Variants in USH2A observed in about 807,000 individuals in gnomAD.
USH2A encodes the protein Usher syndrome 2A (autosomal recessive, mild).
A neutral mutation model predicts 538.9 loss-of-function variants in USH2A; 443 were observed. The ratio of observed to expected loss-of-function variants is 0.82; its 90% confidence interval spans 0.76 to 0.89. The LOEUF is 0.89. USH2A is among the 40% of genes least tolerant of loss of function. The pLI is 0.00. For missense variants in USH2A, 6,633 were observed against 6,324.8 expected, an observed-to-expected ratio of 1.05 and a Z score of -1.65; for synonymous variants, 2,413 against 2,273.5, an observed-to-expected ratio of 1.06 and a Z score of -1.75.
chr1:216,013,876 C>T (rs12143720), intron 32 of USH2A, among the ~76,000 whole-genome samples: 22,734 of 152,132 alleles, frequency 0.15, 1,783 homozygotes, highest in Middle Eastern at 0.23. Flanking sequence ...ATGAAAGTCA[C>T]TACAATAGAA....
In USH2A at chr1:216,386,464, C is replaced by T. The variant is rs185685771; in HGVS notation, c.652-21379G>A. 3.7e-3 allele frequency among the ~76,000 whole-genome samples: 545 copies of T among 147,966 alleles called. 4 individuals are homozygous for T. The highest frequency in any genetic ancestry group is 0.013 in the African/African-American group (511 of 40,074). On this transcript the variant is annotated intron_variant, in intron 3 of 71. Coordinates refer to ENST00000307340, the MANE Select transcript of USH2A (RefSeq NM_206933.4). The stretch of plus-strand genomic sequence containing the variant: ...TCCTGCCACTGCACTCCAGCCTGGG[C>T]GACAGAGCGAGACTCGTCTCAAAAA...
intron 13 of USH2A, among the ~76,000 whole-genome samples, chr1:216,235,964 G>C (rs942039628): frequency 1.3e-5 from 2 of 152,044 alleles, no homozygotes; most frequent in African/African-American, 4.8e-5. Flanking sequence ...TTTCAATATT[G>C]TTGTATTGTT....
At chr1:215,709,478 A>C (rs570105356) in intron 61 of USH2A, among the ~76,000 whole-genome samples, 1 of 151,606 alleles carries the variant, frequency 6.6e-6, no homozygotes, top group Non-Finnish European at 1.5e-5. Context: ...AAGAAGAAAA[A>C]CAGAGCAAAA....
intron 32 of USH2A, among the ~76,000 whole-genome samples, chr1:216,026,465 T>G (rs10449307): frequency 0.14 from 20,590 of 152,102 alleles, 1,476 homozygotes; most frequent in Middle Eastern, 0.21. Context: ...TTTTATCCAA[T>G]GTATGTCAAG....
chr1:216,127,573 G>C (rs2033281132), intron 21 of USH2A, among the ~76,000 whole-genome samples: 1 of 152,114 alleles, frequency 6.6e-6, no homozygotes, highest in African/African-American at 2.4e-5. Flanking sequence ...CGTTTATACA[G>C]AGACCTTGCT....
At chr1:215,629,428 C>T (rs1461237479) in intron 70 of USH2A, among the ~76,000 whole-genome samples, 1 of 152,082 alleles carries the variant, frequency 6.6e-6, no homozygotes, top group Non-Finnish European at 1.5e-5. Flanking sequence ...CAGCACAGAG[C>T]CTCCCTCTTG....
At chr1:216,159,007 G>GT (rs903899471) in intron 21 of USH2A, among the ~76,000 whole-genome samples, 5 of 151,918 alleles carry the variant, frequency 3.3e-5, no homozygotes, top group Non-Finnish European at 7.4e-5. Context: ...TTTTCTACTT[G>GT]TTTTTTGCTA....
chr1:215,687,111 G>C (rs1298180465), intron 61 of USH2A, among the ~76,000 whole-genome samples: 1 of 151,996 alleles, frequency 6.6e-6, no homozygotes, highest in East Asian at 1.9e-4. Flanking sequence ...AAATGTTAAG[G>C]ACACTATTGA....
intron 56 of USH2A, among the ~76,000 whole-genome samples, chr1:215,763,384 AG>A (rs1372044779): frequency 6.6e-6 from 1 of 152,134 alleles, no homozygotes; most frequent in East Asian, 1.9e-4. Flanking sequence ...TTGTAGTGGA[AG>A]ATTTCCAGAA....
At chr1:216,422,985 C>T (rs1419723761) in intron 1 of USH2A, among the ~76,000 whole-genome samples, 1 of 152,022 alleles carries the variant, frequency 6.6e-6, no homozygotes. Flanking sequence ...CTTACAGATG[C>T]CCAAAATAAA....
intron 3 of USH2A, among the ~76,000 whole-genome samples, chr1:216,415,053 AT>A (rs748506696): frequency 3.3e-5 from 5 of 152,124 alleles, no homozygotes; most frequent in Admixed American, 6.6e-5. Context: ...TAGCAAAAAA[AT>A]GTTTTTATGT....
chr1:216,289,200 A>G lies in USH2A; in HGVS notation c.1971+80T>C, dbSNP rs957583927. 3.7e-6 allele frequency: 6 copies of G among 1,601,826 alleles called. No homozygotes were observed. The African/African-American group carries it at 6.7e-5, about 18-fold the overall frequency. ...GATTTCCTGGCAAATGCAGTCTTCA[A>G]TTCTACTAGTGGAATAACATCCAAA... On this transcript the variant is annotated intron_variant, in intron 11 of 71. Coordinates refer to ENST00000307340, the MANE Select transcript of USH2A (RefSeq NM_206933.4).
At position 215,799,124 on chromosome 1, in the gene USH2A, A is replaced by G; in HGVS notation, c.9741T>C (p.Gly3247=). 1 of 1,613,294 alleles carries G rather than the reference A, an allele frequency of 6.2e-7. No individual in the cohort carries two copies. The highest frequency in any genetic ancestry group is 8.5e-7 in the Non-Finnish European group (1 of 1,179,626). The change falls in exon 50 of 72, where the codon GGT becomes GGC. Residue 3247 remains glycine (G), a splice_region_variant and synonymous_variant. Transcript: ENST00000307340. ...CSGYYARILP[G]EVCCPDEQHN... is the part of the protein sequence containing the mutation. ...GCTGTTCATCTGGACAGCATACTTC[A>G]CCTGTCAATTTAGGACAATAATAAT...
At chr1:215,636,490 ATG>A (rs1553249065) in intron 69 of USH2A, among the ~76,000 whole-genome samples, 1 of 152,188 alleles carries the variant, frequency 6.6e-6, no homozygotes, top group Non-Finnish European at 1.5e-5. Context: ...TTAGGAACCA[ATG>A]TGTGTTGTTT....
intron 37 of USH2A, among the ~76,000 whole-genome samples, chr1:215,935,047 T>C (rs1666459381): frequency 6.6e-6 from 1 of 152,076 alleles, no homozygotes; most frequent in Non-Finnish European, 1.5e-5. Flanking sequence ...ATGAATATTC[T>C]TAGATAACTG....
intron 3 of USH2A, among the ~76,000 whole-genome samples, chr1:216,394,781 C>G (rs922092328): frequency 3.8e-5 from 5 of 130,644 alleles, no homozygotes; most frequent in East Asian, 2.7e-4. Flanking sequence ...TGCAGTGGCG[C>G]GATCTCCGCT....
chr1:216,238,534 G>A (rs1037543721), intron 13 of USH2A, among the ~76,000 whole-genome samples: 32 of 152,122 alleles, frequency 2.1e-4, no homozygotes, highest in African/African-American at 7.5e-4. Flanking sequence ...AATACTTAAT[G>A]GAGGTTAAGC....
rs730254 is a variant in USH2A at position 215,674,202 on chromosome 1, C to G, written c.13709G>C (p.Arg4570Pro). 6.2e-7 allele frequency: 1 copy of G among 1,614,072 alleles called. No individual in the cohort carries two copies. Among genetic ancestry groups the G allele is most frequent in the Non-Finnish European group, 8.5e-7 (1 of 1,179,998 alleles). Residue 4570 changes from arginine (R) to proline (P), a missense_variant, in exon 63 of 72, where the codon CGT becomes CCT. Arg to Pro is a moderately radical substitution (Grantham distance 103). Transcript: ENST00000307340. The stretch of plus-strand genomic sequence containing the variant: ...TTTAGTTTCTCTTTCAAATAGTTCA[C>G]GGATGAAGAGGGTATAATTGATGAT... ...GDIINYTLFI[R>P]ELFERETKII...
intron 40 of USH2A, among the ~76,000 whole-genome samples, chr1:215,895,501 T>G (rs375653599): frequency 9.2e-5 from 14 of 152,322 alleles, no homozygotes; most frequent in African/African-American, 3.4e-4. Context: ...CATGTTCTGT[T>G]AGATCTAGAT....
Sources: allele counts gnomAD v4.1 joint callset (sites outside exome capture counted in the v4.1 genomes callset), GRCh38; gene constraint gnomAD v4.1.1; transcripts MANE v1.5; gene names NCBI Gene and HGNC (gene_info 2026-07-23, HGNC 2026-07-21).